Variants in ALDH1L1 observed in about 807,000 individuals in gnomAD.
ALDH1L1 encodes the protein cytosolic 10-formyltetrahydrofolate dehydrogenase.
Under a neutral mutation model 101.1 loss-of-function variants are expected in ALDH1L1, and 68 were observed. The observed-to-expected ratio is 0.67, with a 90% CI of 0.55 to 0.82. ALDH1L1 has a LOEUF of 0.82. Ranked by LOEUF, ALDH1L1 falls within the 40% of genes least tolerant of loss-of-function variation. The pLI, the probability that ALDH1L1 is intolerant of heterozygous loss-of-function variation, is 0.00. For synonymous variants in ALDH1L1, 486 were observed against 470.8 expected (o/e 1.03, Z -0.42); for missense variants, 1,087 against 1,172.7 (o/e 0.93, Z 1.07).
chr3:126,112,695 G>T, intron 19 of ALDH1L1, 87 bp downstream of exon 19: 1 of 1,320,098 alleles, frequency 7.6e-7, no homozygotes, highest in Non-Finnish European at 1.1e-6. Flanking sequence ...ACTTGACCCT[G>T]CCCTGTCTCC....
In ALDH1L1 at chr3:126,155,466, G is replaced by C; in HGVS notation, c.566C>G (p.Pro189Arg). 1 of 1,613,102 alleles carries C rather than the reference G, an allele frequency of 6.2e-7. No homozygotes were observed. The stretch of plus-strand genomic sequence containing the variant: ...TCCTTCCTCAGGCTGAGGGAGTCTG[G>C]GGGCTTTGCCCTCAGCGATCAGCCT... ...AVRLIAEGKA[P>R]RLPQPEEGAT... Residue 189 changes from proline to arginine, a missense_variant, in exon 5 of 23, where the codon CCC (proline) becomes CGC (arginine). By Grantham distance (103) the Pro-to-Arg change is moderately radical (BLOSUM62 -2). Transcript: ENST00000393434.
intron 8 of ALDH1L1, 97 bp downstream of exon 8, chr3:126,150,309 G>C: frequency 6.8e-7 from 1 of 1,479,482 alleles, no homozygotes; most frequent in Non-Finnish European, 9.0e-7. Context: ...ACCCACAGAG[G>C]GCTGGCGCTG....
At position 126,103,721 on chromosome 3, in the gene ALDH1L1, C is replaced by G. The variant is rs571153596; in HGVS notation, c.*70G>C. ...CCCCAGGTGGGAGGTGCTGTGCACC[C>G]AGGCTCAAGAGGGAGGGGGCCCCAG... On this transcript the variant is annotated 3_prime_UTR_variant, in exon 23 of 23. Coordinates refer to ENST00000393434, the MANE Select transcript of ALDH1L1 (RefSeq NM_012190.4). 8.8e-5 allele frequency: 136 copies of G among 1,550,772 alleles called. No homozygotes were observed. In the African/African-American group the frequency reaches 1.5e-3, roughly 17 times the overall value.
chr3:126,165,637 C>A (rs546767295), intron 1 of ALDH1L1, among the ~76,000 whole-genome samples: 1 of 152,064 alleles, frequency 6.6e-6, no homozygotes, highest in African/African-American at 2.4e-5. Context: ...CAATCTTTTC[C>A]TACTTTAGTC....
In ALDH1L1 at chr3:126,157,323, G is replaced by A. The variant is rs771842719; in HGVS notation, c.528+20C>T. 22 of 1,600,226 alleles carry A rather than the reference G, an allele frequency of 1.4e-5. 1 individual carries two copies. Among genetic ancestry groups the A allele is most frequent in the South Asian group, 5.6e-5 (5 of 90,064 alleles). ...GGGTGCGTCGGGGCGGGCAGGGCGC[G>A]GCCGGCTCCAGGTCCTCACCATCCC... On this transcript the variant is annotated intron_variant, in intron 4 of 22. Transcript: ENST00000393434.
chr3:126,116,223 C>CT lies in ALDH1L1; in HGVS notation c.1983-1568dup, dbSNP rs201343560. Among the ~76,000 whole-genome samples, 14 of 146,626 alleles carry CT rather than the reference C, an allele frequency of 9.5e-5. No individual in the cohort carries two copies. In the South Asian group the frequency reaches 1.1e-3, roughly 11 times the overall value. ...TAAATAAAATGTTCAAATTGAGGTA[C>CT]TTTTTTTTTTGTTCTGTTCTATTTA... On this transcript the variant is annotated intron_variant, in intron 17 of 22. Coordinates refer to ENST00000393434, the MANE Select transcript of ALDH1L1 (RefSeq NM_012190.4).
intron 1 of ALDH1L1, among the ~76,000 whole-genome samples, chr3:126,163,507 T>C (rs2081104673): frequency 6.6e-6 from 1 of 152,234 alleles, no homozygotes; most frequent in East Asian, 1.9e-4. Context: ...TCCTGTCTCA[T>C]TCCTGTGACC....
rs746018633 is a variant in ALDH1L1 at position 126,125,648 on chromosome 3, C to A, written c.1768G>T (p.Ala590Ser). 6.9e-6 allele frequency: 11 copies of A among 1,599,066 alleles called. No homozygotes were observed. The highest frequency in any genetic ancestry group is 1.7e-4 in the Middle Eastern group (1 of 6,036). Reference protein sequence around the residue: ...LSWKTAACLAAGNTVVIKPAQ... With the variant: ...LSWKTAACLASGNTVVIKPAQ... ...GGCTTGATCACCACTGTGTTCCCGGCAGCCAGGCAGGCAGCTGTCTTCCAG... is the reference window on the plus strand; with the variant it reads ...GGCTTGATCACCACTGTGTTCCCGGAAGCCAGGCAGGCAGCTGTCTTCCAG... Residue 590 changes from alanine (A) to serine (S), a missense_variant, in exon 15 of 23, where the codon GCC (alanine) becomes TCC (serine). Around this residue, in one of 2 missense-constraint regions of ALDH1L1, gnomAD observed 442 missense variants for 535.7 expected, o/e 0.83. Transcript: ENST00000393434.
chr3:126,190,952 G>A (rs2081549984), intron 1 of ALDH1L1, among the ~76,000 whole-genome samples: 1 of 152,200 alleles, frequency 6.6e-6, no homozygotes, highest in Non-Finnish European at 1.5e-5. Context: ...TTAAATTGGG[G>A]AAGAGTTTCC....
At chr3:126,170,060 G>A (rs1292827390) in intron 1 of ALDH1L1, among the ~76,000 whole-genome samples, 8 of 152,130 alleles carry the variant, frequency 5.3e-5, no homozygotes, top group Non-Finnish European at 1.0e-4. Context: ...TCCTATTCAT[G>A]TAAAAAAATA....
At chr3:126,191,439 G>A (rs536000303) in intron 1 of ALDH1L1, among the ~76,000 whole-genome samples, 6 of 152,316 alleles carry the variant, frequency 3.9e-5, no homozygotes, top group African/African-American at 1.4e-4. Flanking sequence ...CCATGTTCAT[G>A]AATGAACAAG....
In ALDH1L1 at chr3:126,105,087, CGCCTGCT is replaced by C. The variant is rs1201169837; in HGVS notation, c.2653+632_2653+638del. The C allele has an allele frequency of 8.9e-4, 25 of 28,168 alleles. 1 individual carries two copies. Among genetic ancestry groups the C allele is most frequent in the African/African-American group, 6.7e-3 (24 of 3,604 alleles). The allele number at this position is 28,168 out of a possible 1,614,324, so 1.7% of individuals were successfully genotyped here. ...GCCTGTGCTGTGTGCCGGGGGACCC[CGCCTGCT>C]ATGTGCCGGTGGACCCCGCCTGCTG... On this transcript the variant is annotated intron_variant, in intron 22 of 22. Transcript: ENST00000393434.
intron 1 of ALDH1L1, among the ~76,000 whole-genome samples, chr3:126,164,760 G>A (rs1004419340): frequency 1.3e-5 from 2 of 152,126 alleles, no homozygotes; most frequent in Admixed American, 6.5e-5. Context: ...TGGGTTGGAT[G>A]GTAGTTCTAA....
intron 22 of ALDH1L1, chr3:126,104,166 A>C: frequency 7.3e-6 from 3 of 410,036 alleles, no homozygotes; most frequent in Admixed American, 3.9e-5. Context: ...TACTGCCCAG[A>C]CTCACTGGCC....
rs1333956788 is a variant in ALDH1L1 at position 126,150,437 on chromosome 3, T to C, written c.953A>G (p.Glu318Gly). The change falls in exon 8 of 23, where the codon GAG (glutamate) becomes GGG (glycine). Residue 318 changes from glutamate (E) to glycine (G), a missense_variant. By Grantham distance (98) the Glu-to-Gly change is moderately conservative (BLOSUM62 -2). This residue lies in a region of ALDH1L1 where 645 missense variants were observed against 637.0 expected (regional missense o/e 1.01). Coordinates refer to ENST00000393434, the MANE Select transcript of ALDH1L1 (RefSeq NM_012190.4). Reference sequence around the variant, plus strand: ...AGCCTCCGCAGTAACCAGCTCTGCCTCTGTCAGCTCAAGGACACTGCTGGC... The same window carrying C: ...AGCCTCCGCAGTAACCAGCTCTGCCCCTGTCAGCTCAAGGACACTGCTGGC... ...GAASSVLELT[E>G]AELVTAEAVR... is the part of the protein sequence containing the mutation. 6.4e-7 allele frequency: 1 copy of C among 1,551,608 alleles called. No individual in the cohort carries two copies. Among genetic ancestry groups the C allele is most frequent in the East Asian group, 2.4e-5 (1 of 40,918 alleles).
At position 126,158,546 on chromosome 3, in the gene ALDH1L1, T is replaced by C; in HGVS notation, c.221A>G (p.Gln74Arg). 1 of 1,614,198 alleles carries C rather than the reference T, an allele frequency of 6.2e-7. No individual in the cohort carries two copies. Among genetic ancestry groups the C allele is most frequent in the Non-Finnish European group, 8.5e-7 (1 of 1,180,024 alleles). The part of the protein sequence containing the change: ...QALPDVVAKY[Q>R]ALGAELNVLP... ...GACGTTGAGCTCGGCCCCCAAAGCCTGGTATTTTGCCACCACATCAGGCAA... is the reference window on the plus strand; with the variant it reads ...GACGTTGAGCTCGGCCCCCAAAGCCCGGTATTTTGCCACCACATCAGGCAA... The change falls in exon 3 of 23, where the codon CAG (glutamine) becomes CGG (arginine). Residue 74 changes from glutamine (Q) to arginine (R), a missense_variant. By Grantham distance (43) the Gln-to-Arg change is conservative (BLOSUM62 1). Coordinates refer to ENST00000393434, the MANE Select transcript of ALDH1L1 (RefSeq NM_012190.4).
chr3:126,122,556 C>T (rs2108214146), intron 16 of ALDH1L1, among the ~76,000 whole-genome samples: 1 of 152,224 alleles, frequency 6.6e-6, no homozygotes, highest in Non-Finnish European at 1.5e-5. Context: ...GACTTGTTCT[C>T]CTTTCTTTTC....
At chr3:126,187,034 A>G (rs1306118208) in intron 1 of ALDH1L1, among the ~76,000 whole-genome samples, 1 of 151,994 alleles carries the variant, frequency 6.6e-6, no homozygotes, top group Non-Finnish European at 1.5e-5. Flanking sequence ...GCTCAGGGGG[A>G]GCGGGGATCG....
intron 1 of ALDH1L1, among the ~76,000 whole-genome samples, chr3:126,169,899 T>C (rs2081241717): frequency 6.6e-6 from 1 of 152,338 alleles, no homozygotes; most frequent in African/African-American, 2.4e-5. Flanking sequence ...GCACACCTGT[T>C]GTTAAATTCT....
Sources: allele counts gnomAD v4.1 joint callset (sites outside exome capture counted in the v4.1 genomes callset), GRCh38; gene constraint gnomAD v4.1.1; regional missense constraint gnomAD v4.1.1; transcripts MANE v1.5; gene names NCBI Gene and HGNC (gene_info 2026-07-23, HGNC 2026-07-21).